Variants in SHISA9 observed in about 807,000 individuals in gnomAD.
The protein encoded by SHISA9 is protein shisa-9.
SHISA9 carries 13 observed loss-of-function variants against 38.0 expected under a neutral mutation model. The ratio of observed to expected loss-of-function variants is 0.34; its 90% CI spans 0.22 to 0.54. The LOEUF (loss-of-function observed/expected upper bound fraction) is 0.54. SHISA9 is among the 20% of genes least tolerant of loss of function. The pLI is 0.91. For synonymous variants in SHISA9, 275 were observed against 242.0 expected, an observed-to-expected ratio of 1.14 and a Z score of -1.27; for missense variants, 538 against 575.8, an observed-to-expected ratio of 0.93 and a Z score of 0.67.
At chr16:13,523,789 A>C in the SHISA9 span, among the ~76,000 whole-genome samples, 11 of 152,340 alleles carry the variant, frequency 7.2e-5, no homozygotes, top group East Asian at 1.7e-3. Context: ...TGGGGATTAC[A>C]ATTCAATATG....
intron 2 of SHISA9, among the ~76,000 whole-genome samples, chr16:12,930,239 T>C (rs2071446066): frequency 6.6e-6 from 1 of 152,214 alleles, no homozygotes; most frequent in African/African-American, 2.4e-5. Context: ...CAACATACAA[T>C]ACTGAGCACA....
the SHISA9 span, among the ~76,000 whole-genome samples, chr16:13,347,845 C>G: frequency 8.4e-4 from 60 of 71,074 alleles, no homozygotes; most frequent in African/African-American, 1.9e-3. Flanking sequence ...ACGTACCCCC[C>G]CACAAAGATG....
At chr16:13,459,451 T>C in the SHISA9 span, among the ~76,000 whole-genome samples, 1 of 152,052 alleles carries the variant, frequency 6.6e-6, no homozygotes, top group Non-Finnish European at 1.5e-5. Flanking sequence ...CAAGATACAG[T>C]ACTGAATAAC....
At chr16:13,295,195 A>C in the SHISA9 span, among the ~76,000 whole-genome samples, 1 of 152,194 alleles carries the variant, frequency 6.6e-6, no homozygotes, top group Non-Finnish European at 1.5e-5. Flanking sequence ...TTCAAGTTTT[A>C]CACTTAATAA....
the SHISA9 span, among the ~76,000 whole-genome samples, chr16:13,252,400 C>T: frequency 6.6e-6 from 1 of 152,184 alleles, no homozygotes; most frequent in Admixed American, 6.5e-5. Context: ...GCCAAGGATG[C>T]TGCTAAATAT....
chr16:13,539,645 C>T, the SHISA9 span, among the ~76,000 whole-genome samples: 9 of 152,096 alleles, frequency 5.9e-5, no homozygotes, highest in African/African-American at 1.9e-4. Context: ...GTGCAATCTA[C>T]ATGTGTAAAT....
the SHISA9 span, among the ~76,000 whole-genome samples, chr16:13,286,361 C>T: frequency 6.6e-6 from 1 of 152,162 alleles, no homozygotes; most frequent in African/African-American, 2.4e-5. Context: ...TTGGGGTTCA[C>T]AGCTTTAAAC....
the SHISA9 span, among the ~76,000 whole-genome samples, chr16:13,382,884 T>A: frequency 6.6e-6 from 1 of 152,110 alleles, no homozygotes; most frequent in Non-Finnish European, 1.5e-5. Context: ...CAAAGTAAAT[T>A]TAAAAAATTG....
At chr16:13,340,688 C>A in the SHISA9 span, among the ~76,000 whole-genome samples, 1 of 152,196 alleles carries the variant, frequency 6.6e-6, no homozygotes, top group Non-Finnish European at 1.5e-5. Context: ...CTCCCTATTG[C>A]TCTTATCCAG....
In SHISA9 at chr16:13,206,259, G is replaced by A. The variant is rs967673672; in HGVS notation, c.847+2710G>A. On this transcript the variant is annotated intron_variant, in intron 3 of 4. Coordinates refer to ENST00000558583, the MANE Select transcript of SHISA9 (RefSeq NM_001145204.3). ...CTATTCTCACATAGTTTTGGTTCCC[G>A]AAAAACTCTGGGCAGGCAGAAAACC... Among the ~76,000 whole-genome samples, 4 of 152,078 alleles carry A rather than the reference G, an allele frequency of 2.6e-5. No homozygotes were observed. In the East Asian group the frequency reaches 5.8e-4, roughly 22 times the overall value.
chr16:13,162,446 C>CT (rs1272354303), intron 2 of SHISA9, among the ~76,000 whole-genome samples: 11 of 152,116 alleles, frequency 7.2e-5, no homozygotes, highest in Admixed American at 3.9e-4. Context: ...TAGGGATGTT[C>CT]TTTTTTACCT....
the SHISA9 span, among the ~76,000 whole-genome samples, chr16:13,324,628 G>T: frequency 3.7e-4 from 56 of 152,158 alleles, no homozygotes; most frequent in East Asian, 9.4e-3. Context: ...TGTGAGTCAG[G>T]GTTCTCCAAA....
intron 2 of SHISA9, among the ~76,000 whole-genome samples, chr16:12,997,799 A>C (rs9939839): frequency 0.44 from 66,458 of 151,832 alleles, 14,955 homozygotes; most frequent in African/African-American, 0.5. Context: ...CATGGTGCTC[A>C]CTCACTGAGG....
chr16:13,302,647 C>G, the SHISA9 span, among the ~76,000 whole-genome samples: 7 of 152,196 alleles, frequency 4.6e-5, no homozygotes, highest in Non-Finnish European at 1.0e-4. Context: ...CTTCTATCCC[C>G]CAGGAATGGC....
the SHISA9 span, among the ~76,000 whole-genome samples, chr16:13,271,559 A>C: frequency 6.6e-6 from 1 of 152,214 alleles, no homozygotes; most frequent in African/African-American, 2.4e-5. Context: ...CACCATAAAA[A>C]GAAACTATTG....
At chr16:13,110,875 C>G (rs1296781330) in intron 2 of SHISA9, among the ~76,000 whole-genome samples, 1 of 152,156 alleles carries the variant, frequency 6.6e-6, no homozygotes, top group Non-Finnish European at 1.5e-5. Context: ...GTAACTGATC[C>G]TCCCCTCATG....
chr16:12,965,373 G>T (rs1429203214), intron 2 of SHISA9, among the ~76,000 whole-genome samples: 1 of 152,160 alleles, frequency 6.6e-6, no homozygotes, highest in East Asian at 1.9e-4. Flanking sequence ...TCCTCAGAAA[G>T]AAACACTGTA....
intron 2 of SHISA9, among the ~76,000 whole-genome samples, chr16:13,140,368 G>A (rs1484293376): frequency 1.3e-5 from 2 of 151,908 alleles, no homozygotes; most frequent in South Asian, 4.2e-4. Flanking sequence ...GTAGAGACAG[G>A]GTTTCACTGT....
At chr16:13,459,331 A>C in the SHISA9 span, among the ~76,000 whole-genome samples, 1 of 152,138 alleles carries the variant, frequency 6.6e-6, no homozygotes, top group Non-Finnish European at 1.5e-5. Flanking sequence ...CTCTGGTGAC[A>C]TGGGGGGAGG....
Sources: gnomAD v4.1 joint callset for allele counts (sites outside exome capture counted in the v4.1 genomes callset) on GRCh38, gnomAD v4.1.1 for gene constraint, MANE v1.5 for transcripts, NCBI Gene and HGNC (gene_info 2026-07-23, HGNC 2026-07-21) for gene names.